The following NSG2 variants were observed in gnomAD, a reference collection of about 807,000 sequenced individuals.
NSG2 encodes the protein neuronal vesicle trafficking associated 2, also known as neuronal vesicle trafficking-associated protein 2.
A neutral mutation model predicts 16.9 loss-of-function variants in NSG2; 4 were observed. That is an observed-to-expected ratio of 0.24 (90% CI 0.12 to 0.54). NSG2 has a LOEUF of 0.54. Ranked by LOEUF, NSG2 falls within the 20% of genes least tolerant of loss-of-function variation. The probability of loss-of-function intolerance (pLI) is 0.95; values close to 1 mark genes in which losing one functional copy is unlikely to be tolerated. For missense variants in NSG2, 179 were observed against 221.1 expected, an observed-to-expected ratio of 0.81 and a Z score of 1.21; for synonymous variants, 98 against 88.7, an observed-to-expected ratio of 1.11 and a Z score of -0.59.
At chr5:174,091,745 A>T (rs1760725016) in intron 3 of NSG2, among the ~76,000 whole-genome samples, 1 of 151,966 alleles carries the variant, frequency 6.6e-6, no homozygotes, top group South Asian at 2.1e-4. Flanking sequence ...TGATGGAAAT[A>T]GCACAGTGCC....
At chr5:174,085,852 TC>T (rs1760605898) in intron 3 of NSG2, among the ~76,000 whole-genome samples, 1 of 152,200 alleles carries the variant, frequency 6.6e-6, no homozygotes, top group South Asian at 2.1e-4. Context: ...GGCTAGGAAG[TC>T]CTTTCACCTT....
intron 2 of NSG2, among the ~76,000 whole-genome samples, chr5:174,059,566 G>A (rs1760017969): frequency 1.3e-5 from 2 of 152,142 alleles, no homozygotes; most frequent in Admixed American, 1.3e-4. Context: ...GTATCAGATA[G>A]AAAGCTTTTA....
intron 3 of NSG2, among the ~76,000 whole-genome samples, chr5:174,089,629 G>T (rs781075450): frequency 1.3e-5 from 2 of 152,130 alleles, no homozygotes; most frequent in Non-Finnish European, 2.9e-5. Flanking sequence ...GGATTTTGTT[G>T]TTTGCATGTT....
intron 3 of NSG2, among the ~76,000 whole-genome samples, chr5:174,092,105 GA>G (rs1329201002): frequency 6.6e-6 from 1 of 152,212 alleles, no homozygotes; most frequent in Non-Finnish European, 1.5e-5. Flanking sequence ...GGAAAATGCT[GA>G]TTTCTGGGTG....
At chr5:174,078,348 A>C (rs1362255615) in intron 3 of NSG2, among the ~76,000 whole-genome samples, 2 of 152,106 alleles carry the variant, frequency 1.3e-5, no homozygotes, top group East Asian at 3.9e-4. Context: ...TTCAAATGTA[A>C]CCATTGTATA....
At chr5:174,083,854 TGG>T (rs1760542328) in intron 3 of NSG2, among the ~76,000 whole-genome samples, 1 of 152,230 alleles carries the variant, frequency 6.6e-6, no homozygotes, top group Non-Finnish European at 1.5e-5. Context: ...TGCCCTGTGA[TGG>T]GGACATTATT....
In NSG2 at chr5:174,104,355, T is replaced by A. The variant is rs752651066; in HGVS notation, c.324+17T>A. On this transcript the variant is annotated intron_variant, in intron 4 of 4. Transcript: ENST00000303177. ...GTCTATAAGGTAAGAGGTGGTTGAGTAGTCCCAGGTCACTATCAAATTCAG... is the reference window on the plus strand; with the variant it reads ...GTCTATAAGGTAAGAGGTGGTTGAGAAGTCCCAGGTCACTATCAAATTCAG... 6.5e-7 allele frequency: 1 copy of A among 1,537,630 alleles called. No homozygotes were observed. Among genetic ancestry groups the A allele is most frequent in the Non-Finnish European group, 9.0e-7 (1 of 1,110,660 alleles).
chr5:174,064,101 G>C (rs747408383), intron 2 of NSG2, 131 bp from the exon 3 acceptor site: 1 of 572,034 alleles, frequency 1.7e-6, no homozygotes, highest in African/African-American at 1.9e-5. Context: ...TTTCTCTTAC[G>C]TGTGTTTGAA....
intron 2 of NSG2, 114 bp from the exon 3 acceptor site, chr5:174,064,118 T>A: frequency 1.5e-6 from 1 of 662,990 alleles, no homozygotes; most frequent in South Asian, 3.0e-5. Flanking sequence ...TGAAGGGGGG[T>A]TCTTTATTTT....
chr5:174,080,521 TTCTTTCTCTCTC>T lies in NSG2; in HGVS notation c.213+16210_213+16221del, dbSNP rs930528262. On this transcript the variant is annotated intron_variant, in intron 3 of 4. Transcript: ENST00000303177. ...CCTCTTTCTTTCTTTCCCTCTTTCT[TTCTTTCTCTCTC>T]TCTCTCTCTCTCTCTCTTTCTTTTC... Among the ~76,000 whole-genome samples, 10 of 86,856 alleles carry T rather than the reference TTCTTTCTCTCTC, an allele frequency of 1.2e-4. No homozygotes were observed. The South Asian group carries it at 3.4e-3, about 29-fold the overall frequency. The allele number at this position is 86,856 out of a possible 152,430, so 57.0% of individuals were successfully genotyped here.
intron 2 of NSG2, among the ~76,000 whole-genome samples, chr5:174,057,551 CCTG>C (rs1759984659): frequency 6.6e-6 from 1 of 152,178 alleles, no homozygotes. Flanking sequence ...TTGTATTTTC[CCTG>C]CTCTCTGCCG....
intron 3 of NSG2, among the ~76,000 whole-genome samples, chr5:174,066,922 G>A (rs1417097845): frequency 1.4e-5 from 2 of 146,558 alleles, no homozygotes; most frequent in East Asian, 2.0e-4. Flanking sequence ...CCCGGGAGGC[G>A]GAGCTTGCAG....
chr5:174,064,370 G>GC, intron 3 of NSG2, 55 bp downstream of exon 3: 3 of 1,240,254 alleles, frequency 2.4e-6, no homozygotes, highest in Non-Finnish European at 3.5e-6. Context: ...GCTCCAGCCA[G>GC]CTCAGCACAC....
intron 3 of NSG2, among the ~76,000 whole-genome samples, chr5:174,066,700 A>AG (rs1427290217): frequency 3.9e-5 from 6 of 152,206 alleles, no homozygotes; most frequent in Non-Finnish European, 7.3e-5. Flanking sequence ...TTTTTAAAAA[A>AG]AAACAGAGTG....
At chr5:174,052,113 A>G (rs1159201457) in intron 2 of NSG2, among the ~76,000 whole-genome samples, 1 of 152,112 alleles carries the variant, frequency 6.6e-6, no homozygotes, top group East Asian at 1.9e-4. Context: ...TGGTCTTCTG[A>G]TCTCCTCTAC....
chr5:174,099,054 C>T (rs575842652), intron 3 of NSG2, among the ~76,000 whole-genome samples: 7 of 152,272 alleles, frequency 4.6e-5, no homozygotes, highest in South Asian at 4.1e-4. Context: ...TTTCTCTCCC[C>T]GACCCTCTTA....
chr5:174,102,433 A>T (rs1339593632), intron 3 of NSG2, among the ~76,000 whole-genome samples: 2 of 152,196 alleles, frequency 1.3e-5, no homozygotes, highest in African/African-American at 4.8e-5. Flanking sequence ...CCATATTTCT[A>T]GGCCAACTGA....
chr5:174,049,257 G>A (rs192365322), intron 2 of NSG2, among the ~76,000 whole-genome samples: 8 of 152,228 alleles, frequency 5.3e-5, no homozygotes, highest in Non-Finnish European at 8.8e-5. Flanking sequence ...GGAGAATGGC[G>A]TGAACCTGGG....
chr5:174,089,200 T>G (rs537392230), intron 3 of NSG2, among the ~76,000 whole-genome samples: 103 of 152,310 alleles, frequency 6.8e-4, no homozygotes, highest in South Asian at 1.2e-3. Context: ...TGTATTCACC[T>G]GGCAAGCATC....
Sources: allele counts gnomAD v4.1 joint callset (sites outside exome capture counted in the v4.1 genomes callset), GRCh38; gene constraint gnomAD v4.1.1; transcripts MANE v1.5; gene names NCBI Gene and HGNC (gene_info 2026-07-23, HGNC 2026-07-21).